Variants in SPRYD4 observed in about 807,000 individuals in gnomAD.
SPRYD4 encodes the protein SPRY domain-containing protein 4.
Under a neutral mutation model 16.6 loss-of-function variants are expected in SPRYD4, and 12 were observed. The observed-to-expected ratio is 0.72, with a 90% CI of 0.46 to 1.17. SPRYD4 has a LOEUF of 1.17. Among genes scored for constraint, SPRYD4 ranks in the 50% most tolerant of loss-of-function variants. SPRYD4 has a pLI of 0.00. For missense variants in SPRYD4, 260 were observed against 260.2 expected, an observed-to-expected ratio of 1.00 and a Z score of 0.00; for synonymous variants, 98 against 105.4, an observed-to-expected ratio of 0.93 and a Z score of 0.43.
In SPRYD4 at chr12:56,469,564, C is replaced by G; in HGVS notation, c.611C>G (p.Pro204Arg). 6.2e-7 allele frequency: 1 copy of G among 1,613,316 alleles called. No individual in the cohort carries two copies. The highest frequency in any genetic ancestry group is 8.5e-7 in the Non-Finnish European group (1 of 1,179,634). Residue 204 changes from proline to arginine, a missense_variant, in exon 2 of 2, where the codon CCC (proline) becomes CGC (arginine). By Grantham distance (103) the Pro-to-Arg change is moderately radical. Transcript: ENST00000338146. ...CTGACCCATTCAGGGCTTGAGGTGC[C>G]CGAGGGCCTCTAGTATGTCCATTAC... ...ELLTHSGLEV[P>R]EGL
rs1565699525 is a variant in SPRYD4, at chr12:56,470,708, G to C, written c.*1131G>C. On this transcript the variant is annotated 3_prime_UTR_variant, in exon 2 of 2. Transcript: ENST00000338146. ...AGGAAGGAAGGAGGCCTGAGGTTTT[G>C]CACAATCTGTTTCAGAGCCTGTTTA... 3 of 152,140 alleles carry C rather than the reference G, an allele frequency of 2.0e-5. No individual in the cohort carries two copies. Among genetic ancestry groups the C allele is most frequent in the Non-Finnish European group, 2.9e-5 (2 of 68,040 alleles). 9.4% of individuals were successfully genotyped at this position (152,140 alleles called of 1,614,324 possible).
chr12:56,477,816 G>T lies in SPRYD4; in HGVS notation c.*8239G>T. On this transcript the variant is annotated 3_prime_UTR_variant, in exon 2 of 2. Coordinates refer to ENST00000338146, the MANE Select transcript of SPRYD4 (RefSeq NM_207344.4). Reference sequence around the variant, plus strand: ...GTTAGACAAGAAAGACTGCTAGGGAGAAAGGCATGACAGGGCTAATCAGGA... The same window carrying T: ...GTTAGACAAGAAAGACTGCTAGGGATAAAGGCATGACAGGGCTAATCAGGA... The T allele has an allele frequency of 6.5e-7, 1 of 1,540,956 alleles. No homozygotes were observed. Among genetic ancestry groups the T allele is most frequent in the Non-Finnish European group, 8.8e-7 (1 of 1,131,606 alleles).
Position 56,479,036 on chromosome 12 carries a change from G to T in SPRYD4, c.*9459G>T. ...GCCCAGGTCCCTGACCCCTCCCTTA[G>T]TCCCCTGACTCTCACTTTGCCTCCA... On this transcript the variant is annotated 3_prime_UTR_variant, in exon 2 of 2. Coordinates refer to ENST00000338146, the MANE Select transcript of SPRYD4 (RefSeq NM_207344.4). 1 of 1,606,018 alleles carries T rather than the reference G, an allele frequency of 6.2e-7. No homozygotes were observed.
Position 56,475,872 on chromosome 12 carries a change from C to T in SPRYD4, c.*6295C>T. 1 of 1,537,986 alleles carries T rather than the reference C, an allele frequency of 6.5e-7. No individual in the cohort carries two copies. Among genetic ancestry groups the T allele is most frequent in the Non-Finnish European group, 9.0e-7 (1 of 1,111,496 alleles). On this transcript the variant is annotated 3_prime_UTR_variant, in exon 2 of 2. Transcript: ENST00000338146. ...TGCACCTGGTAGTGGGGTTAGAGAGCCACTGGGGCAGCTGGAGAGGACAGC... is the reference window on the plus strand; with the variant it reads ...TGCACCTGGTAGTGGGGTTAGAGAGTCACTGGGGCAGCTGGAGAGGACAGC...
chr12:56,468,683 T>G lies in SPRYD4; in HGVS notation c.85+7T>G, dbSNP rs1869101804. On this transcript the variant is annotated splice_region_variant and intron_variant, in intron 1 of 1. Transcript: ENST00000338146. ...TCCACAGAGGCCCAGAGAGGTAGGATTATCTCTTTTTACTCTTTTACCTCC... is the reference window on the plus strand; with the variant it reads ...TCCACAGAGGCCCAGAGAGGTAGGAGTATCTCTTTTTACTCTTTTACCTCC... 1.2e-6 allele frequency: 2 copies of G among 1,611,352 alleles called. No homozygotes were observed. Among genetic ancestry groups the G allele is most frequent in the Non-Finnish European group, 1.7e-6 (2 of 1,177,584 alleles).
Position 56,477,834 on chromosome 12 carries a change from A to T in SPRYD4, c.*8257A>T. On this transcript the variant is annotated 3_prime_UTR_variant, in exon 2 of 2. Transcript: ENST00000338146. ...CTAGGGAGAAAGGCATGACAGGGCTAATCAGGAAGGGCAGAGAAACAAAAA... is the reference window on the plus strand; with the variant it reads ...CTAGGGAGAAAGGCATGACAGGGCTTATCAGGAAGGGCAGAGAAACAAAAA... The T allele has an allele frequency of 6.5e-7, 1 of 1,541,734 alleles. No individual in the cohort carries two copies. Among genetic ancestry groups the T allele is most frequent in the Non-Finnish European group, 8.8e-7 (1 of 1,132,866 alleles).
rs138012568 is a variant in SPRYD4 at position 56,469,465 on chromosome 12, C to G, written c.512C>G (p.Ser171Cys). Residue 171 changes from serine to cysteine, a missense_variant, in exon 2 of 2, where the codon TCT becomes TGT. Ser to Cys is a moderately radical substitution (Grantham distance 112, BLOSUM62 -1). Coordinates refer to ENST00000338146, the MANE Select transcript of SPRYD4 (RefSeq NM_207344.4). The part of the protein sequence containing the change: ...KLSLVDVSQV[S>C]VVHTLQTDFR... ...AGCCTGGTGGATGTGAGCCAGGTCT[C>G]TGTGGTTCACACGCTACAGACAGAT... 6.2e-7 allele frequency: 1 copy of G among 1,614,012 alleles called. No individual in the cohort carries two copies. Among genetic ancestry groups the G allele is most frequent in the African/African-American group, 1.3e-5 (1 of 74,900 alleles).
chr12:56,469,216 A>G lies in SPRYD4; in HGVS notation c.263A>G (p.His88Arg). 1 of 1,614,070 alleles carries G rather than the reference A, an allele frequency of 6.2e-7. No homozygotes were observed. The highest frequency in any genetic ancestry group is 1.1e-5 in the South Asian group (1 of 91,076). ...GACACAGCGGTCACCAGTGGCAGAC[A>G]CTACTGGGAAGTGACAGTGAAGCGC... is the stretch of plus-strand genomic sequence containing the variant. Reference protein sequence around the residue: ...LADTAVTSGRHYWEVTVKRSQ... With the variant: ...LADTAVTSGRRYWEVTVKRSQ... The change falls in exon 2 of 2, where the codon CAC becomes CGC. Residue 88 changes from histidine (H) to arginine (R), a missense_variant. Physicochemically the swap from His to Arg is conservative, Grantham distance 29. Transcript: ENST00000338146.
Position 56,474,972 on chromosome 12 carries a change from C to T in SPRYD4, c.*5395C>T. On this transcript the variant is annotated 3_prime_UTR_variant, in exon 2 of 2. Coordinates refer to ENST00000338146, the MANE Select transcript of SPRYD4 (RefSeq NM_207344.4). ...ACACTGTCAGGGTCTCAGCTGAAGCCCCCAACCCCTACTGCCCTTCCACTA... is the reference window on the plus strand; with the variant it reads ...ACACTGTCAGGGTCTCAGCTGAAGCTCCCAACCCCTACTGCCCTTCCACTA... 1 of 1,613,708 alleles carries T rather than the reference C, an allele frequency of 6.2e-7. No individual in the cohort carries two copies. Among genetic ancestry groups the T allele is most frequent in the Non-Finnish European group, 8.5e-7 (1 of 1,179,900 alleles).
Position 56,478,166 on chromosome 12 carries a change from C to T in SPRYD4, c.*8589C>T. 1.2e-6 allele frequency: 2 copies of T among 1,614,242 alleles called. No individual in the cohort carries two copies. Among genetic ancestry groups the T allele is most frequent in the Non-Finnish European group, 1.7e-6 (2 of 1,180,034 alleles). On this transcript the variant is annotated 3_prime_UTR_variant, in exon 2 of 2. Coordinates refer to ENST00000338146, the MANE Select transcript of SPRYD4 (RefSeq NM_207344.4). ...CACCTGTGCCCTGCCTCCCCTTCCTCTTGCCCAGCATCTCACCGTTGACCA... is the reference window on the plus strand; with the variant it reads ...CACCTGTGCCCTGCCTCCCCTTCCTTTTGCCCAGCATCTCACCGTTGACCA...
chr12:56,477,556 T>A lies in SPRYD4; in HGVS notation c.*7979T>A. The stretch of plus-strand genomic sequence containing the variant: ...TGCCTTCTGGGGACCCTCAAAGGAA[T>A]CAGAGCCCCACCAGTCTCCCTGGAG... On this transcript the variant is annotated 3_prime_UTR_variant, in exon 2 of 2. Transcript: ENST00000338146. The A allele has an allele frequency of 8.3e-7, 1 of 1,198,128 alleles. No homozygotes were observed. Among genetic ancestry groups the A allele is most frequent in the Admixed American group, 2.2e-5 (1 of 46,190 alleles). The allele number at this position is 1,198,128 out of a possible 1,614,324, so 74.2% of individuals were successfully genotyped here.
chr12:56,468,913 C>A, intron 1 of SPRYD4, 126 bp from the exon 2 acceptor site: 1 of 1,293,820 alleles, frequency 7.7e-7, no homozygotes, highest in Middle Eastern at 2.6e-4. Context: ...ACTCTCTTGC[C>A]CGCTTGGCAT....
rs1869728163 is a variant in SPRYD4, at chr12:56,475,534, A to G, written c.*5957A>G. 7.4e-7 allele frequency: 1 copy of G among 1,353,482 alleles called. No individual in the cohort carries two copies. The highest frequency in any genetic ancestry group is 2.3e-5 in the East Asian group (1 of 43,420). The allele number at this position is 1,353,482 out of a possible 1,614,324, so 83.8% of individuals were successfully genotyped here. A position where few individuals can be genotyped will look rare whatever the true frequency, so the allele number is the denominator to read the frequency against. On this transcript the variant is annotated 3_prime_UTR_variant, in exon 2 of 2. Coordinates refer to ENST00000338146, the MANE Select transcript of SPRYD4 (RefSeq NM_207344.4). The stretch of plus-strand genomic sequence containing the variant: ...TCCCCTGGGATTTCTTCCTCCTAAG[A>G]TTCTCTCTCCCCCATTCCTCTTGTC...
rs1869693270 is a variant in SPRYD4 at position 56,475,149 on chromosome 12, A to G, written c.*5572A>G. ...CCAATTTAGTACTTGAAGTTGGAGG[A>G]GTGGGTGTTGGGAGAAGGGGAAAAA... On this transcript the variant is annotated 3_prime_UTR_variant, in exon 2 of 2. Coordinates refer to ENST00000338146, the MANE Select transcript of SPRYD4 (RefSeq NM_207344.4). The G allele has an allele frequency of 6.2e-7, 1 of 1,612,942 alleles. No homozygotes were observed. The highest frequency in any genetic ancestry group is 1.3e-5 in the African/African-American group (1 of 74,926).
Position 56,469,075 on chromosome 12 carries a change from G to A in SPRYD4, c.122G>A (p.Ser41Asn), listed in dbSNP as rs1465745497. The A allele has an allele frequency of 1.8e-5, 28 of 1,580,546 alleles. No homozygotes were observed. The highest frequency in any genetic ancestry group is 2.4e-5 in the Non-Finnish European group (28 of 1,163,162). ...SFKLEEKTAH[S>N]SLALFRDDTG... ...AAACTGGAAGAAAAAACCGCCCACA[G>A]CAGCCTGGCACTCTTCAGAGATGAT... The change falls in exon 2 of 2, where the codon AGC (serine) becomes AAC (asparagine). Residue 41 changes from serine (S) to asparagine (N), a missense_variant. Transcript: ENST00000338146.
chr12:56,469,537 T>C lies in SPRYD4; in HGVS notation c.584T>C (p.Leu195Pro). The C allele has an allele frequency of 6.2e-7, 1 of 1,614,044 alleles. No individual in the cohort carries two copies. The highest frequency in any genetic ancestry group is 8.5e-7 in the Non-Finnish European group (1 of 1,179,986). The part of the protein sequence containing the change: ...VPAFALWDGE[L>P]LTHSGLEVPE... ...GCCTTTGCTCTCTGGGATGGGGAGC[T>C]GCTGACCCATTCAGGGCTTGAGGTG... The change falls in exon 2 of 2, where the codon CTG (leucine) becomes CCG (proline). Residue 195 changes from leucine to proline, a missense_variant. Physicochemically the swap from Leu to Pro is moderately conservative, Grantham distance 98. Coordinates refer to ENST00000338146, the MANE Select transcript of SPRYD4 (RefSeq NM_207344.4).
In SPRYD4 at chr12:56,479,083, A is replaced by C; in HGVS notation, c.*9506A>C. The C allele has an allele frequency of 1.9e-6, 3 of 1,613,984 alleles. No homozygotes were observed. The South Asian group carries it at 3.3e-5, about 18-fold the overall frequency. ...TCCAGTGAGCTCTTTGACATCCTCA[A>C]AGATGCGATCCACATGGCCCGTGAA... On this transcript the variant is annotated 3_prime_UTR_variant, in exon 2 of 2. Coordinates refer to ENST00000338146, the MANE Select transcript of SPRYD4 (RefSeq NM_207344.4).
Position 56,471,435 on chromosome 12 carries a change from T to C in SPRYD4, c.*1858T>C. The C allele has an allele frequency of 1.3e-6, 2 of 1,556,440 alleles. No homozygotes were observed. Among genetic ancestry groups the C allele is most frequent in the Non-Finnish European group, 1.7e-6 (2 of 1,149,872 alleles). On this transcript the variant is annotated 3_prime_UTR_variant, in exon 2 of 2. Coordinates refer to ENST00000338146, the MANE Select transcript of SPRYD4 (RefSeq NM_207344.4). The stretch of plus-strand genomic sequence containing the variant: ...GTATTTTTGGTGGTTATGGATTACA[T>C]GTGTGGCCAGCTCATGCTTTTTCTT...
chr12:56,474,868 G>A lies in SPRYD4; in HGVS notation c.*5291G>A. ...TACCTGGAAGTAGAGATCAAGGGCA[G>A]CCATCATGTCCACCCCCTTAGGAAA... On this transcript the variant is annotated 3_prime_UTR_variant, in exon 2 of 2. Transcript: ENST00000338146. The A allele has an allele frequency of 2.5e-6, 4 of 1,614,180 alleles. No homozygotes were observed. The highest frequency in any genetic ancestry group is 3.4e-6 in the Non-Finnish European group (4 of 1,180,032).
Sources: allele counts gnomAD v4.1 joint callset, GRCh38; gene constraint gnomAD v4.1.1; transcripts MANE v1.5; gene names NCBI Gene and HGNC (gene_info 2026-07-23, HGNC 2026-07-21).